The following NPAS3 variants were observed in gnomAD, a reference collection of about 807,000 sequenced individuals.
NPAS3 encodes the protein neuronal PAS domain-containing protein 3.
NPAS3 carries 14 observed loss-of-function variants against 73.1 expected under a neutral mutation model. The ratio of observed to expected loss-of-function variants is 0.19; its 90% CI spans 0.13 to 0.30. NPAS3 has a LOEUF of 0.30. NPAS3 is among the 10% of genes least tolerant of loss of function. The pLI is 1.00. For synonymous variants in NPAS3, 620 were observed against 541.5 expected (o/e 1.14, Z -2.01); for missense variants, 1,096 against 1,250.0 (o/e 0.88, Z 1.86).
intron 3 of NPAS3, among the ~76,000 whole-genome samples, chr14:33,312,845 G>A (rs2043059566): frequency 2.2e-5 from 1 of 45,448 alleles, no homozygotes; most frequent in Admixed American, 1.8e-4. Context: ...AGTGGAGTAG[G>A]GGGAAGCCAT....
chr14:33,131,783 G>T (rs1055837597), intron 2 of NPAS3, among the ~76,000 whole-genome samples: 1 of 152,150 alleles, frequency 6.6e-6, no homozygotes, highest in Non-Finnish European at 1.5e-5. Context: ...GGCTTAGTTG[G>T]TAAGGAAGGG....
At chr14:33,288,978 A>T (rs2041987528) in intron 3 of NPAS3, among the ~76,000 whole-genome samples, 1 of 152,182 alleles carries the variant, frequency 6.6e-6, no homozygotes, top group Admixed American at 6.5e-5. Context: ...GAATAGAAGA[A>T]ATAAAACACT....
At chr14:33,454,465 A>G (rs939817913) in intron 4 of NPAS3, among the ~76,000 whole-genome samples, 4 of 152,250 alleles carry the variant, frequency 2.6e-5, no homozygotes, top group African/African-American at 9.6e-5. Context: ...TGCTGTGAGT[A>G]TAAAACATGT....
Position 33,087,199 on chromosome 14 carries a change from ATAATATAGTATTATTAT to A in NPAS3, c.140+31208_140+31224del, listed in dbSNP as rs1452976289. Among the ~76,000 whole-genome samples, 945 of 96,394 alleles carry A rather than the reference ATAATATAGTATTATTAT, an allele frequency of 9.8e-3. 9 individuals are homozygous for A. Among genetic ancestry groups the A allele is most frequent in the Non-Finnish European group, 0.012 (586 of 47,884 alleles). The allele number at this position is 96,394 out of a possible 152,430, so 63.2% of individuals were successfully genotyped here. On this transcript the variant is annotated intron_variant, in intron 2 of 11. Transcript: ENST00000356141. ...ATAGTATACAATATAATATTGTATA[ATAATATAGTATTATTAT>A]TATTGTATAATATATATTATACAAT...
intron 1 of NPAS3, among the ~76,000 whole-genome samples, chr14:33,016,131 G>A (rs4982034): frequency 0.87 from 132,209 of 152,152 alleles, 57,497 homozygotes; most frequent in East Asian, 0.99. Flanking sequence ...TTGAGGAAAC[G>A]ATGGAATAAT....
intron 4 of NPAS3, among the ~76,000 whole-genome samples, chr14:33,559,152 T>C (rs1021597302): frequency 3.3e-5 from 5 of 152,186 alleles, no homozygotes; most frequent in African/African-American, 1.2e-4. Flanking sequence ...TTTTTCTTTC[T>C]TTATTCTTTC....
At chr14:33,729,385 G>A (rs1281826776) in intron 6 of NPAS3, among the ~76,000 whole-genome samples, 3 of 152,104 alleles carry the variant, frequency 2.0e-5, no homozygotes, top group African/African-American at 7.2e-5. Context: ...GAGTTGTCTG[G>A]TATTGGATAA....
chr14:33,204,408 T>C (rs1483126006), intron 2 of NPAS3, among the ~76,000 whole-genome samples: 3 of 152,126 alleles, frequency 2.0e-5, no homozygotes, highest in Non-Finnish European at 4.4e-5. Context: ...ATTACAGTAG[T>C]TAGGTCTGTG....
intron 3 of NPAS3, among the ~76,000 whole-genome samples, chr14:33,301,609 T>A (rs1435491974): frequency 6.6e-6 from 1 of 152,046 alleles, no homozygotes; most frequent in Non-Finnish European, 1.5e-5. Flanking sequence ...GATTTGAATT[T>A]AACTACATGA....
At chr14:33,094,191 CTATT>C (rs1251983726) in intron 2 of NPAS3, among the ~76,000 whole-genome samples, 2 of 152,016 alleles carry the variant, frequency 1.3e-5, no homozygotes, top group Non-Finnish European at 2.9e-5. Context: ...GGAAAACCAT[CTATT>C]TATTTTCATC....
At chr14:33,110,334 C>G (rs887725429) in intron 2 of NPAS3, among the ~76,000 whole-genome samples, 13 of 152,076 alleles carry the variant, frequency 8.5e-5, no homozygotes, top group Non-Finnish European at 1.9e-4. Context: ...CTACTGAACT[C>G]AAGTTCCACA....
At chr14:33,136,458 T>C (rs2043843077) in intron 2 of NPAS3, among the ~76,000 whole-genome samples, 1 of 152,214 alleles carries the variant, frequency 6.6e-6, no homozygotes, top group Admixed American at 6.5e-5. Context: ...TAATGCAGGC[T>C]ATGAGCAGTT....
chr14:33,231,352 T>C (rs116190969), intron 3 of NPAS3, among the ~76,000 whole-genome samples: 2,015 of 152,294 alleles, frequency 0.013, 40 homozygotes, highest in African/African-American at 0.045. Context: ...TAATTTTTCT[T>C]AAAGTAATGG....
intron 2 of NPAS3, among the ~76,000 whole-genome samples, chr14:33,147,507 T>G (rs2044274442): frequency 6.6e-6 from 1 of 151,310 alleles, no homozygotes; most frequent in South Asian, 2.1e-4. Context: ...CTCTTATGTT[T>G]AGTTAAGATC....
intron 7 of NPAS3, among the ~76,000 whole-genome samples, chr14:33,747,767 T>C (rs1269906451): frequency 6.6e-6 from 1 of 152,234 alleles, no homozygotes; most frequent in African/African-American, 2.4e-5. Flanking sequence ...CAGCAGCATT[T>C]ACATATCCCT....
chr14:33,101,554 C>T (rs1323070820), intron 2 of NPAS3, among the ~76,000 whole-genome samples: 1 of 152,044 alleles, frequency 6.6e-6, no homozygotes, highest in Non-Finnish European at 1.5e-5. Flanking sequence ...AAAGTAATTG[C>T]CTCCTTAGAG....
At chr14:33,402,170 C>A (rs190839951) in intron 4 of NPAS3, among the ~76,000 whole-genome samples, 44 of 152,170 alleles carry the variant, frequency 2.9e-4, no homozygotes, top group Admixed American at 2.1e-3. Context: ...GAGTTTATTT[C>A]TGCTTTCCTG....
chr14:33,468,172 C>T (rs1323990819), intron 4 of NPAS3, among the ~76,000 whole-genome samples: 2 of 152,204 alleles, frequency 1.3e-5, no homozygotes, highest in Non-Finnish European at 2.9e-5. Context: ...CTATAAACTG[C>T]TGTTGAATGT....
intron 3 of NPAS3, among the ~76,000 whole-genome samples, chr14:33,290,909 A>G (rs1430509999): frequency 2.0e-5 from 3 of 152,202 alleles, no homozygotes; most frequent in Non-Finnish European, 2.9e-5. Flanking sequence ...AAAGATATAC[A>G]CAGAATGAAG....
Sources: allele counts gnomAD v4.1 joint callset (sites outside exome capture counted in the v4.1 genomes callset), GRCh38; gene constraint gnomAD v4.1.1; transcripts MANE v1.5; gene names NCBI Gene and HGNC (gene_info 2026-07-23, HGNC 2026-07-21).